Variants in CCDC38 observed in about 807,000 individuals in gnomAD.
CCDC38 encodes the protein coiled-coil domain containing 38.
Under a neutral mutation model 72.8 loss-of-function variants are expected in CCDC38, and 69 were observed. The ratio of observed to expected loss-of-function variants is 0.95; its 90% CI spans 0.78 to 1.16. The LOEUF is 1.16. Among genes scored for constraint, CCDC38 ranks in the 50% most tolerant of loss-of-function variants. CCDC38 has a pLI of 0.00. For missense variants in CCDC38, 626 were observed against 638.9 expected, an observed-to-expected ratio of 0.98 and a Z score of 0.22; for synonymous variants, 201 against 213.2, an observed-to-expected ratio of 0.94 and a Z score of 0.50.
intron 4 of CCDC38, among the ~76,000 whole-genome samples, chr12:95,911,182 C>T (rs1389950598): frequency 6.6e-6 from 1 of 152,074 alleles, no homozygotes; most frequent in Non-Finnish European, 1.5e-5. Flanking sequence ...ACTGGCTAGC[C>T]ATATGCAGAA....
rs559674942 is a variant in CCDC38 at position 95,877,639 on chromosome 12, C to G, written c.1278+572G>C. Among the ~76,000 whole-genome samples, 274 of 152,240 alleles carry G rather than the reference C, an allele frequency of 1.8e-3. 1 individual carries two copies. Among genetic ancestry groups the G allele is most frequent in the African/African-American group, 6.3e-3 (261 of 41,542 alleles). ...TATTGAGCACCAACTTTAAAGGGACCCTCAACTGAATGAAGAATAATAAGT... is the reference window on the plus strand; with the variant it reads ...TATTGAGCACCAACTTTAAAGGGACGCTCAACTGAATGAAGAATAATAAGT... On this transcript the variant is annotated intron_variant, in intron 13 of 15. Coordinates refer to ENST00000344280, the MANE Select transcript of CCDC38 (RefSeq NM_182496.3).
At chr12:95,925,965 A>T (rs78569152) in intron 2 of CCDC38, among the ~76,000 whole-genome samples, 19 of 104,518 alleles carry the variant, frequency 1.8e-4, no homozygotes, top group Non-Finnish European at 3.5e-4. Context: ...GAGGATTTTT[A>T]CATCAATGTT....
intron 4 of CCDC38, 37 bp from the exon 5 acceptor site, chr12:95,906,488 A>T (rs746339995): frequency 7.1e-7 from 1 of 1,400,242 alleles, no homozygotes. Context: ...AGTTTAGTTC[A>T]TCATCCTTAA....
intron 5 of CCDC38, among the ~76,000 whole-genome samples, chr12:95,904,527 A>G (rs1288843051): frequency 2.6e-5 from 4 of 152,262 alleles, no homozygotes; most frequent in Non-Finnish European, 5.9e-5. Flanking sequence ...GCAGAGCCTG[A>G]GTAAGTTCTA....
intron 10 of CCDC38, 119 bp downstream of exon 10, chr12:95,888,339 T>A: frequency 1.1e-6 from 1 of 875,604 alleles, no homozygotes; most frequent in Non-Finnish European, 1.9e-6. Context: ...CACCACTACT[T>A]CCAGGATCTC....
rs2080462827 is a variant in CCDC38 at position 95,942,444 on chromosome 12, G to A, written c.-28C>T. On this transcript the variant is annotated 5_prime_UTR_variant, in exon 1 of 16. Coordinates refer to ENST00000344280, the MANE Select transcript of CCDC38 (RefSeq NM_182496.3). ...AACCTATTTTACCTCAGCGAGTTTG[G>A]ATCCAGGAGCCTTTCCAACCTATCG... 6.6e-6 allele frequency: 1 copy of A among 152,232 alleles called. No homozygotes were observed. The highest frequency in any genetic ancestry group is 6.5e-5 in the Admixed American group (1 of 15,276). 9.4% of individuals were successfully genotyped at this position (152,232 alleles called of 1,614,324 possible).
chr12:95,929,897 T>G (rs1341587314), intron 2 of CCDC38, among the ~76,000 whole-genome samples: 1 of 152,180 alleles, frequency 6.6e-6, no homozygotes, highest in African/African-American at 2.4e-5. Flanking sequence ...CAGTTCTAGC[T>G]TCTGATGGCT....
At chr12:95,872,220 A>G in intron 14 of CCDC38, 35 bp downstream of exon 14, 1 of 1,590,976 alleles carries the variant, frequency 6.3e-7, no homozygotes. Context: ...AAAACCAGCT[A>G]CTCATTAAGT....
At chr12:95,906,309 AAAT>A in intron 5 of CCDC38, 75 bp downstream of exon 5, 2 of 1,073,812 alleles carry the variant, frequency 1.9e-6, no homozygotes, top group East Asian at 4.8e-5. Context: ...TAGACAAGCA[AAAT>A]GTCAAGGTAA....
chr12:95,927,210 A>G (rs1270563015), intron 2 of CCDC38, among the ~76,000 whole-genome samples: 1 of 151,730 alleles, frequency 6.6e-6, no homozygotes, highest in Non-Finnish European at 1.5e-5. Flanking sequence ...GACTTGCTTT[A>G]TGAATCTGGG....
intron 15 of CCDC38, among the ~76,000 whole-genome samples, chr12:95,868,802 C>T (rs2079550413): frequency 6.6e-6 from 1 of 152,176 alleles, no homozygotes; most frequent in African/African-American, 2.4e-5. Context: ...TCCCAAACTT[C>T]TGATTGGACA....
At chr12:95,885,062 AAC>A (rs2079743366) in intron 10 of CCDC38, 1 of 152,248 alleles carries the variant, frequency 6.6e-6, no homozygotes, top group South Asian at 2.1e-4. Flanking sequence ...TAGAATAGCC[AAC>A]ACAGTTTTGA....
At chr12:95,942,009 C>A (rs776604827) in intron 1 of CCDC38, among the ~76,000 whole-genome samples, 14 of 151,910 alleles carry the variant, frequency 9.2e-5, no homozygotes, top group Non-Finnish European at 1.6e-4. Context: ...GGAGTGTTTG[C>A]TTTCTGTTCC....
At chr12:95,930,381 G>C (rs2080325069) in intron 2 of CCDC38, among the ~76,000 whole-genome samples, 1 of 151,964 alleles carries the variant, frequency 6.6e-6, no homozygotes, top group East Asian at 1.9e-4. Context: ...GCTCTGAGGG[G>C]GAATCTATTC....
chr12:95,925,261 T>C (rs2080256063), intron 2 of CCDC38, among the ~76,000 whole-genome samples: 1 of 152,204 alleles, frequency 6.6e-6, no homozygotes, highest in Non-Finnish European at 1.5e-5. Flanking sequence ...TTCACATCCC[T>C]TGTAAGTTGG....
chr12:95,875,206 G>A (rs572229807), intron 13 of CCDC38, among the ~76,000 whole-genome samples: 1 of 152,140 alleles, frequency 6.6e-6, no homozygotes. Context: ...TGGGAAAGAG[G>A]GCTGGTAAAG....
intron 15 of CCDC38, 65 bp downstream of exon 15, chr12:95,869,415 G>T (rs1413257049): frequency 1.1e-5 from 13 of 1,192,850 alleles, no homozygotes; most frequent in African/African-American, 1.5e-5. Context: ...GACGAATAAA[G>T]TATTTTGTTT....
intron 2 of CCDC38, among the ~76,000 whole-genome samples, chr12:95,930,551 G>A (rs1402188860): frequency 6.6e-6 from 1 of 151,860 alleles, no homozygotes; most frequent in Non-Finnish European, 1.5e-5. Flanking sequence ...ACTAGTAATT[G>A]GATTTAGCCC....
At chr12:95,922,051 T>A (rs1202933166) in intron 2 of CCDC38, among the ~76,000 whole-genome samples, 1 of 152,222 alleles carries the variant, frequency 6.6e-6, no homozygotes, top group East Asian at 1.9e-4. Context: ...ATTAATGGAC[T>A]GGAGCTTAAA....
Sources: allele counts gnomAD v4.1 joint callset (sites outside exome capture counted in the v4.1 genomes callset), GRCh38; gene constraint gnomAD v4.1.1; transcripts MANE v1.5; gene names NCBI Gene and HGNC (gene_info 2026-07-23, HGNC 2026-07-21).